Variants in RAB38 observed in about 807,000 individuals in gnomAD.
The protein encoded by RAB38 is ras-related protein Rab-38.
Under a neutral mutation model 18.4 loss-of-function variants are expected in RAB38, and 15 were observed. That is an observed-to-expected ratio of 0.82 (90% CI 0.55 to 1.26). The LOEUF (loss-of-function observed/expected upper bound fraction) is 1.26, where lower values mean the gene tolerates loss of function less well. Among genes scored for constraint, RAB38 ranks in the 50% most tolerant of loss-of-function variants. RAB38 has a pLI of 0.00. For missense variants in RAB38, 294 were observed against 267.4 expected (o/e 1.10, Z -0.69); for synonymous variants, 101 against 104.4 (o/e 0.97, Z 0.20).
chr11:87,896,581 T>G, the RAB38 span, among the ~76,000 whole-genome samples: 2 of 151,590 alleles, frequency 1.3e-5, no homozygotes, highest in African/African-American at 4.8e-5. Context: ...TCTCCTGTAG[T>G]TGTTGGGCTA....
At chr11:87,872,020 T>C in the RAB38 span, among the ~76,000 whole-genome samples, 1 of 151,490 alleles carries the variant, frequency 6.6e-6, no homozygotes, top group African/African-American at 2.4e-5. Context: ...AACTCCAGAG[T>C]CATAGGCTCA....
chr11:88,023,436 A>G, the RAB38 span, among the ~76,000 whole-genome samples: 1 of 151,972 alleles, frequency 6.6e-6, no homozygotes, highest in Non-Finnish European at 1.5e-5. Context: ...ATGTTAATGG[A>G]CTGGAAGAAT....
At chr11:88,163,153 A>T (rs1943207039) in intron 1 of RAB38, among the ~76,000 whole-genome samples, 1 of 152,066 alleles carries the variant, frequency 6.6e-6, no homozygotes, top group Non-Finnish European at 1.5e-5. Context: ...TACACTGTAG[A>T]TTCCTTGAGT....
At chr11:87,843,505 G>T in the RAB38 span, among the ~76,000 whole-genome samples, 1 of 152,118 alleles carries the variant, frequency 6.6e-6, no homozygotes, top group Non-Finnish European at 1.5e-5. Flanking sequence ...AGGCCAGGGG[G>T]TTGCACCTTA....
chr11:87,923,930 C>A, the RAB38 span, among the ~76,000 whole-genome samples: 1 of 148,158 alleles, frequency 6.7e-6, no homozygotes, highest in Non-Finnish European at 1.5e-5. Flanking sequence ...TCTCCAAGGT[C>A]AGAGAGTGAC....
At chr11:87,854,220 G>A in the RAB38 span, among the ~76,000 whole-genome samples, 1 of 152,140 alleles carries the variant, frequency 6.6e-6, no homozygotes, top group Non-Finnish European at 1.5e-5. Flanking sequence ...CCACCATTCT[G>A]CCTGCCAAAG....
the RAB38 span, among the ~76,000 whole-genome samples, chr11:87,892,505 G>A: frequency 6.6e-6 from 1 of 151,784 alleles, no homozygotes; most frequent in African/African-American, 2.4e-5. Flanking sequence ...AATCCAACAT[G>A]TCATTCTCCT....
the RAB38 span, among the ~76,000 whole-genome samples, chr11:88,068,765 C>A: frequency 1.3e-5 from 2 of 152,160 alleles, no homozygotes; most frequent in Non-Finnish European, 2.9e-5. Context: ...TTTTTTCAAC[C>A]AGTTAACATG....
At chr11:87,899,630 A>G in the RAB38 span, among the ~76,000 whole-genome samples, 21 of 151,602 alleles carry the variant, frequency 1.4e-4, no homozygotes. Flanking sequence ...CTCTACCCCA[A>G]TGTCCTAAAG....
At chr11:88,049,733 G>A in the RAB38 span, among the ~76,000 whole-genome samples, 2 of 152,312 alleles carry the variant, frequency 1.3e-5, no homozygotes, top group East Asian at 3.9e-4. Context: ...CTACGACCTT[G>A]TTGCTCACAT....
chr11:87,803,769 G>C, the RAB38 span, among the ~76,000 whole-genome samples: 2 of 152,218 alleles, frequency 1.3e-5, no homozygotes, highest in South Asian at 2.1e-4. Context: ...TACAGTGGTA[G>C]GGCAGGCATA....
chr11:88,145,618 G>T (rs1195906341), intron 2 of RAB38, among the ~76,000 whole-genome samples: 1 of 152,060 alleles, frequency 6.6e-6, no homozygotes, highest in Non-Finnish European at 1.5e-5. Context: ...GGGCCCTGAA[G>T]ATATACTAAC....
intron 1 of RAB38, among the ~76,000 whole-genome samples, chr11:88,161,092 A>G (rs747590432): frequency 6.6e-6 from 1 of 152,096 alleles, no homozygotes; most frequent in Non-Finnish European, 1.5e-5. Flanking sequence ...AGTGACTCTT[A>G]TATGCCCAAG....
the RAB38 span, among the ~76,000 whole-genome samples, chr11:88,029,493 T>A: frequency 1.3e-5 from 2 of 152,110 alleles, no homozygotes; most frequent in African/African-American, 4.8e-5. Context: ...CCATCTCACA[T>A]GCAGAGACAC....
the RAB38 span, among the ~76,000 whole-genome samples, chr11:88,021,561 ATAATTTATTTAT>A: frequency 2.8e-5 from 4 of 141,402 alleles, no homozygotes; most frequent in South Asian, 2.3e-4. Flanking sequence ...ATAGAGAAAG[ATAATTTATTTAT>A]TTATTTATTT....
chr11:87,890,012 TTAATA>T, the RAB38 span, among the ~76,000 whole-genome samples: 4 of 151,808 alleles, frequency 2.6e-5, no homozygotes, highest in Admixed American at 6.6e-5. Flanking sequence ...TATTATTTAT[TTAATA>T]TTTGTGAAAA....
chr11:88,113,711 C>A lies in RAB38; in HGVS notation c.*277G>T. 2.9e-6 allele frequency: 1 copy of A among 345,944 alleles called. No individual in the cohort carries two copies. The highest frequency in any genetic ancestry group is 5.4e-6 in the Non-Finnish European group (1 of 186,152). The allele number at this position is 345,944 out of a possible 1,614,324, so 21.4% of individuals were successfully genotyped here. ...TTTGCTGATTAAAAGAAGCAAATAA[C>A]AGTGCCGACTGTGGCCCTGCAGGAT... On this transcript the variant is annotated 3_prime_UTR_variant, in exon 3 of 3. Transcript: ENST00000243662.
downstream of RAB38, chr11:88,113,180 C>T (rs1308679712): frequency 1.3e-5 from 2 of 148,876 alleles, no homozygotes; most frequent in African/African-American, 5.1e-5. Flanking sequence ...ATCTTGAGAA[C>T]CCTGTTTACT....
the RAB38 span, among the ~76,000 whole-genome samples, chr11:87,826,432 C>T: frequency 1.3e-5 from 2 of 151,990 alleles, no homozygotes; most frequent in Non-Finnish European, 2.9e-5. Context: ...TCTTTTATTA[C>T]TTAAAAGCAT....
Sources: allele counts gnomAD v4.1 joint callset (sites outside exome capture counted in the v4.1 genomes callset), GRCh38; gene constraint gnomAD v4.1.1; transcripts MANE v1.5; gene names NCBI Gene and HGNC (gene_info 2026-07-23, HGNC 2026-07-21).